PKHD1: variants seen among roughly 807,000 people sequenced by gnomAD.
PKHD1 encodes fibrocystin.
Under a neutral mutation model 412.0 loss-of-function variants are expected in PKHD1, and 291 were observed. The observed-to-expected ratio is 0.71, with a 90% CI of 0.64 to 0.78. PKHD1 has a LOEUF of 0.78. PKHD1 is among the 30% of genes least tolerant of loss of function. The pLI is 0.00. For missense variants in PKHD1, 4,825 were observed against 4,950.7 expected, an observed-to-expected ratio of 0.97 and a Z score of 0.76; for synonymous variants, 1,777 against 1,821.5, an observed-to-expected ratio of 0.98 and a Z score of 0.62.
chr6:51,924,547 T>G (rs1785226919), intron 37 of PKHD1, among the ~76,000 whole-genome samples: 1 of 152,154 alleles, frequency 6.6e-6, no homozygotes, highest in Non-Finnish European at 1.5e-5. Context: ...GGGCAAAGAA[T>G]GAATTGGAAA....
intron 52 of PKHD1, among the ~76,000 whole-genome samples, chr6:51,797,699 C>CA (rs1290894540): frequency 1.3e-5 from 2 of 152,106 alleles, no homozygotes; most frequent in Non-Finnish European, 2.9e-5. Context: ...TGTGTCTTTG[C>CA]ATGTGAGATA....
intron 53 of PKHD1, among the ~76,000 whole-genome samples, chr6:51,778,811 A>C (rs1791494435): frequency 6.6e-6 from 1 of 152,160 alleles, no homozygotes; most frequent in Non-Finnish European, 1.5e-5. Flanking sequence ...CTCTGTCAAC[A>C]TGACTCACCA....
chr6:51,711,612 A>T (rs2025747), intron 60 of PKHD1, among the ~76,000 whole-genome samples: 42,244 of 152,060 alleles, frequency 0.28, 7,394 homozygotes, highest in East Asian at 0.56. Context: ...AGCCCTTCTG[A>T]TTAGTCAGGC....
At chr6:51,743,526 C>T (rs561712230) in intron 60 of PKHD1, among the ~76,000 whole-genome samples, 17 of 152,036 alleles carry the variant, frequency 1.1e-4, no homozygotes, top group African/African-American at 2.9e-4. Flanking sequence ...ATTTCAGGGT[C>T]GAGTCTAGGC....
At chr6:51,768,916 G>A (rs1043057694) in intron 55 of PKHD1, among the ~76,000 whole-genome samples, 2 of 151,542 alleles carry the variant, frequency 1.3e-5, no homozygotes, top group Non-Finnish European at 3.0e-5. Flanking sequence ...TTTATTCCAA[G>A]AATGTTTGCT....
At chr6:51,740,451 T>C (rs1784424922) in intron 60 of PKHD1, among the ~76,000 whole-genome samples, 2 of 152,198 alleles carry the variant, frequency 1.3e-5, no homozygotes, top group South Asian at 4.1e-4. Flanking sequence ...CTTGGAGAGA[T>C]ATGTTTAAAA....
intron 55 of PKHD1, among the ~76,000 whole-genome samples, chr6:51,758,043 AGAGAGAGAG>A (rs1562245853): frequency 1.9e-4 from 29 of 151,452 alleles, no homozygotes; most frequent in African/African-American, 6.5e-4. Flanking sequence ...AGAGAGAGAG[AGAGAGAGAG>A]AAAACAAAGC....
chr6:51,911,693 G>A, intron 39 of PKHD1, 106 bp downstream of exon 39: 1 of 999,596 alleles, frequency 1.0e-6, no homozygotes, highest in Non-Finnish European at 1.6e-6. Context: ...AAGTTTAAGG[G>A]CTTATTCTAT....
At position 52,056,872 on chromosome 6, in the gene PKHD1, T is replaced by A; in HGVS notation, c.1602+18A>T. ...GTTCTCCCACTCCCCTCCCTCATTT[T>A]TTGAAGAAGTCTCCCACCAGATGGG... On this transcript the variant is annotated intron_variant, in intron 17 of 66. Coordinates refer to ENST00000371117, the MANE Select transcript of PKHD1 (RefSeq NM_138694.4). 1.2e-6 allele frequency: 2 copies of A among 1,606,016 alleles called. No homozygotes were observed. Among genetic ancestry groups the A allele is most frequent in the Non-Finnish European group, 8.5e-7 (1 of 1,172,590 alleles).
intron 33 of PKHD1, among the ~76,000 whole-genome samples, chr6:52,019,130 G>T (rs764780575): frequency 6.6e-6 from 1 of 152,186 alleles, no homozygotes; most frequent in Non-Finnish European, 1.5e-5. Context: ...TTTAGGAGCA[G>T]CTCTGTCTGA....
chr6:52,035,644 T>C lies in PKHD1; in HGVS notation c.3175A>G (p.Ile1059Val). 2.5e-6 allele frequency: 4 copies of C among 1,613,976 alleles called. No individual in the cohort carries two copies. Among genetic ancestry groups the C allele is most frequent in the Non-Finnish European group, 3.4e-6 (4 of 1,179,910 alleles). ...CTTGAATTGCTTGTAGCGACATTGA[T>C]GGCACACGAGTAAGATCCAAATAAT... The part of the protein sequence containing the change: ...LILFGSYSCA[I>V]NVATSNSSRI... The change falls in exon 28 of 67, where the codon ATC (isoleucine) becomes GTC (valine). Residue 1059 changes from isoleucine (I) to valine (V), a missense_variant. Ile to Val is a conservative substitution (Grantham distance 29). Transcript: ENST00000371117.
At chr6:51,727,843 A>G (rs1330782770) in intron 60 of PKHD1, among the ~76,000 whole-genome samples, 3 of 152,080 alleles carry the variant, frequency 2.0e-5, no homozygotes, top group Non-Finnish European at 4.4e-5. Flanking sequence ...CCATCTGCCA[A>G]TCTGTCACTT....
chr6:51,781,475 G>A (rs1791998621), intron 53 of PKHD1, among the ~76,000 whole-genome samples: 1 of 152,050 alleles, frequency 6.6e-6, no homozygotes, highest in Non-Finnish European at 1.5e-5. Context: ...ATGAAAATAT[G>A]TTATTCATTC....
intron 11 of PKHD1, among the ~76,000 whole-genome samples, chr6:52,068,130 G>A (rs1391178168): frequency 2.0e-5 from 3 of 152,170 alleles, no homozygotes; most frequent in East Asian, 1.9e-4. Flanking sequence ...CTCTTTAGAC[G>A]ACTTTTGGAA....
chr6:51,886,881 A>G (rs536666685), intron 44 of PKHD1, among the ~76,000 whole-genome samples: 1 of 152,312 alleles, frequency 6.6e-6, no homozygotes, highest in East Asian at 1.9e-4. Context: ...GAGGTGATAG[A>G]TATGTTTGTG....
intron 35 of PKHD1, among the ~76,000 whole-genome samples, chr6:51,970,135 C>T (rs1793450339): frequency 6.6e-6 from 1 of 152,176 alleles, no homozygotes; most frequent in Non-Finnish European, 1.5e-5. Context: ...GCCATTCTGA[C>T]TAATATAACT....
intron 39 of PKHD1, among the ~76,000 whole-genome samples, 199 bp downstream of exon 39, chr6:51,911,600 A>AGGTTGTTG: frequency 6.6e-6 from 1 of 152,216 alleles, no homozygotes; most frequent in Non-Finnish European, 1.5e-5. Context: ...CTTTTTCACA[A>AGGTTGTTG]GGTTGTTGGG....
At chr6:51,784,775 A>C (rs982393682) in intron 53 of PKHD1, among the ~76,000 whole-genome samples, 1 of 152,008 alleles carries the variant, frequency 6.6e-6, no homozygotes, top group Non-Finnish European at 1.5e-5. Flanking sequence ...CACAAAGCAC[A>C]TTTCTCCCTC....
rs1229029529 is a variant in PKHD1 at position 51,887,138 on chromosome 6, A to G, written c.7104T>C (p.Cys2368=). ...ATGAATTTCCCCAAAGTTACCTGGT[A>G]CAAGAATGTGCAATGTTCTGAGTGA... ...LSFTQNIAHS[C]TRYGLFVYPK... Residue 2368 remains cysteine (C), a synonymous_variant, in exon 44 of 67, where the codon TGT becomes TGC. Transcript: ENST00000371117. 1 of 1,596,016 alleles carries G rather than the reference A, an allele frequency of 6.3e-7. No homozygotes were observed. Among genetic ancestry groups the G allele is most frequent in the South Asian group, 1.1e-5 (1 of 90,770 alleles).
Sources: gnomAD v4.1 joint callset for allele counts (sites outside exome capture counted in the v4.1 genomes callset) on GRCh38, gnomAD v4.1.1 for gene constraint, MANE v1.5 for transcripts, NCBI Gene and HGNC (gene_info 2026-07-23, HGNC 2026-07-21) for gene names.